The following ASXL2 variants were observed in gnomAD, a reference collection of about 807,000 sequenced individuals.
The protein encoded by ASXL2 is putative Polycomb group protein ASXL2.
Under a neutral mutation model 122.0 loss-of-function variants are expected in ASXL2, and 23 were observed. The observed-to-expected ratio is 0.19, with a 90% CI of 0.14 to 0.27. The LOEUF is 0.27. ASXL2 is among the 10% of genes least tolerant of loss of function. ASXL2 has a pLI of 1.00. For synonymous variants in ASXL2, 650 were observed against 637.0 expected, an observed-to-expected ratio of 1.02 and a Z score of -0.31; for missense variants, 1,518 against 1,713.8, an observed-to-expected ratio of 0.89 and a Z score of 2.02.
At chr2:25,856,571 G>T (rs2089781259) in intron 1 of ASXL2, 13 of 1,159,962 alleles carry the variant, frequency 1.1e-5, no homozygotes, top group Non-Finnish European at 1.5e-5. Flanking sequence ...GCTCCAAGGG[G>T]TAGGGGGCGC....
At chr2:25,765,684 C>G (rs1207099789) in intron 8 of ASXL2, among the ~76,000 whole-genome samples, 1 of 152,142 alleles carries the variant, frequency 6.6e-6, no homozygotes, top group African/African-American at 2.4e-5. Flanking sequence ...GTTAAAAATT[C>G]CTGGTCCATA....
intron 5 of ASXL2, among the ~76,000 whole-genome samples, chr2:25,794,579 ATAAAC>A (rs2088885090): frequency 6.6e-6 from 1 of 152,214 alleles, no homozygotes; most frequent in Admixed American, 6.5e-5. Flanking sequence ...ACAGAAATCA[ATAAAC>A]TAGTTTTAAT....
intron 3 of ASXL2, chr2:25,809,785 A>G: frequency 2.5e-6 from 1 of 404,306 alleles, no homozygotes; most frequent in South Asian, 2.0e-5. Flanking sequence ...GAGACAGTTT[A>G]GCGAAAAAGA....
At chr2:25,871,450 C>A (rs2089961312) in intron 1 of ASXL2, among the ~76,000 whole-genome samples, 1 of 152,146 alleles carries the variant, frequency 6.6e-6, no homozygotes, top group South Asian at 2.1e-4. Context: ...AGCAGCAGCA[C>A]CTTTCATAGA....
chr2:25,842,545 T>A (rs904250841), intron 2 of ASXL2, among the ~76,000 whole-genome samples: 1 of 152,078 alleles, frequency 6.6e-6, no homozygotes, highest in Non-Finnish European at 1.5e-5. Flanking sequence ...AGCCTTACTA[T>A]GTTACAGCTG....
chr2:25,760,518 G>A (rs1227190937), intron 8 of ASXL2, among the ~76,000 whole-genome samples: 2 of 152,182 alleles, frequency 1.3e-5, no homozygotes, highest in African/African-American at 2.4e-5. Context: ...GGCTGAATCA[G>A]CATAATCTTA....
At chr2:25,851,798 C>T (rs923717770) in intron 1 of ASXL2, among the ~76,000 whole-genome samples, 4 of 151,962 alleles carry the variant, frequency 2.6e-5, no homozygotes, top group African/African-American at 9.7e-5. Context: ...GGCTGAGGCA[C>T]GAGAACCGCT....
chr2:25,747,735 T>C (rs999039042), intron 12 of ASXL2, among the ~76,000 whole-genome samples: 6 of 152,082 alleles, frequency 3.9e-5, no homozygotes, highest in African/African-American at 1.4e-4. Context: ...TGAAGAAAAG[T>C]TTCTAATATT....
chr2:25,733,978 T>C lies in ASXL2; in HGVS notation c.*8051A>G, dbSNP rs2087689514. On this transcript the variant is annotated 3_prime_UTR_variant, in exon 13 of 13. Coordinates refer to ENST00000435504, the MANE Select transcript of ASXL2 (RefSeq NM_018263.6). ...ACAAAGATTTTAAGTGAATAAGAAT[T>C]ACATACGGTAATTTCTTCCATTCCG... 6.6e-6 allele frequency: 1 copy of C among 152,032 alleles called. No individual in the cohort carries two copies. Among genetic ancestry groups the C allele is most frequent in the Non-Finnish European group, 1.5e-5 (1 of 68,016 alleles). The allele number at this position is 152,032 out of a possible 1,614,324, so 9.4% of individuals were successfully genotyped here.
chr2:25,811,099 C>CACACACACACACACAA (rs1327866217), intron 3 of ASXL2, among the ~76,000 whole-genome samples: 1 of 144,416 alleles, frequency 6.9e-6, no homozygotes, highest in Non-Finnish European at 1.5e-5. Flanking sequence ...CACACACACA[C>CACACACACACACACAA]AAAATCAGCC....
At chr2:25,819,015 T>C (rs534312166) in intron 3 of ASXL2, among the ~76,000 whole-genome samples, 2 of 152,204 alleles carry the variant, frequency 1.3e-5, no homozygotes, top group Non-Finnish European at 1.5e-5. Flanking sequence ...CATGTGGCCA[T>C]GTTGGGGAAG....
chr2:25,795,540 C>T (rs72801806), intron 5 of ASXL2, among the ~76,000 whole-genome samples: 6,454 of 152,252 alleles, frequency 0.042, 210 homozygotes, highest in African/African-American at 0.08. Flanking sequence ...ACAACAGCCA[C>T]TATTCAAAGA....
intron 2 of ASXL2, among the ~76,000 whole-genome samples, chr2:25,843,022 T>C (rs985656753): frequency 2.1e-4 from 32 of 150,010 alleles, no homozygotes; most frequent in Admixed American, 3.3e-4. Flanking sequence ...GGGTTTTGGC[T>C]GGGCACGGTG....
rs78842411 is a variant in ASXL2, at chr2:25,845,513, T to C, written c.108A>G (p.Gln36=). Residue 36 remains glutamine, a synonymous_variant, in exon 2 of 13, where the codon CAA becomes CAG. Coordinates refer to ENST00000435504, the MANE Select transcript of ASXL2 (RefSeq NM_018263.6). The part of the protein sequence containing the change: ...NTPMSHKEIL[Q]VIQREGLKEI... ...CTTTTAGTCCTTCTCTCTGGATAAC[T>C]TGAAGAATTTCTTTATGACTCATGG... 4 of 1,509,032 alleles carry C rather than the reference T, an allele frequency of 2.7e-6. No homozygotes were observed. The South Asian group carries it at 4.1e-5, about 15-fold the overall frequency. 93.5% of individuals were successfully genotyped at this position (1,509,032 alleles called of 1,614,324 possible). A position where few individuals can be genotyped will look rare whatever the true frequency, so the allele number is the denominator to read the frequency against.
chr2:25,822,282 C>CT (rs2089321322), intron 3 of ASXL2, among the ~76,000 whole-genome samples: 1 of 152,238 alleles, frequency 6.6e-6, no homozygotes. Flanking sequence ...AGGGGCCGCT[C>CT]TTTCTGCGCG....
At chr2:25,829,245 CAG>C (rs1172832502) in intron 3 of ASXL2, among the ~76,000 whole-genome samples, 2 of 151,746 alleles carry the variant, frequency 1.3e-5, no homozygotes, top group African/African-American at 4.8e-5. Flanking sequence ...CTGAGACAAA[CAG>C]AGAGACAGAG....
chr2:25,750,113 C>T lies in ASXL2; in HGVS notation c.1443G>A (p.Lys481=), dbSNP rs779667106. 1.5e-5 allele frequency: 25 copies of T among 1,613,842 alleles called. No individual in the cohort carries two copies. The highest frequency in any genetic ancestry group is 1.9e-5 in the Non-Finnish European group (23 of 1,179,900). ...CCAAGAGATCCTCATCCTTTGGGCA[C>T]TTGATGGGAAGAATGCTGCTAAGCT... The part of the protein sequence containing the change: ...THELSSILPI[K]CPKDEDLLEQ... The change falls in exon 12 of 13, where the codon AAG becomes AAA. Residue 481 remains lysine, a synonymous_variant. Coordinates refer to ENST00000435504, the MANE Select transcript of ASXL2 (RefSeq NM_018263.6).
At chr2:25,843,829 A>AAAAAG (rs1553704936) in intron 2 of ASXL2, among the ~76,000 whole-genome samples, 3 of 151,160 alleles carry the variant, frequency 2.0e-5, no homozygotes, top group Admixed American at 6.6e-5. Flanking sequence ...AAAAAAAAAA[A>AAAAAG]AAAGAAAGAA....
intron 3 of ASXL2, chr2:25,810,604 T>G (rs2089153547): frequency 2.6e-6 from 2 of 768,074 alleles, no homozygotes; most frequent in African/African-American, 3.4e-5. Flanking sequence ...TGCCTGCTGC[T>G]GCAGAACCTG....
Sources: allele counts gnomAD v4.1 joint callset (sites outside exome capture counted in the v4.1 genomes callset), GRCh38; gene constraint gnomAD v4.1.1; transcripts MANE v1.5; gene names NCBI Gene and HGNC (gene_info 2026-07-23, HGNC 2026-07-21).